Variants in TRIM17 observed in about 807,000 individuals in gnomAD.
TRIM17 encodes the protein E3 ubiquitin-protein ligase TRIM17.
A neutral mutation model predicts 35.8 loss-of-function variants in TRIM17; 27 were observed. That is an observed-to-expected ratio of 0.75 (90% CI 0.56 to 1.04). TRIM17 has a LOEUF of 1.04. Ranked by LOEUF, TRIM17 falls within the 50% of genes least tolerant of loss-of-function variation. The pLI is 0.00. For synonymous variants in TRIM17, 246 were observed against 252.6 expected (o/e 0.97, Z 0.25); for missense variants, 582 against 612.8 (o/e 0.95, Z 0.53).
In TRIM17 at chr1:228,411,312, C is replaced by T; in HGVS notation, c.526-136G>A. ...TTTAGTTGGGGACCAGGAACTGTGA[C>T]AGAGGCCCCCACCTCTGCCATCCTG... is the stretch of plus-strand genomic sequence containing the variant. On this transcript the variant is annotated intron_variant, in intron 3 of 6. Transcript: ENST00000366698. The surrounding 1 kb of genome is among the most constrained non-coding windows in gnomAD (Gnocchi z 4.2). 1 of 685,360 alleles carries T rather than the reference C, an allele frequency of 1.5e-6. No homozygotes were observed. The highest frequency in any genetic ancestry group is 2.6e-5 in the East Asian group (1 of 38,146). 42.5% of individuals were successfully genotyped at this position (685,360 alleles called of 1,614,324 possible).
chr1:228,415,202 A>G, intron 1 of TRIM17, 89 bp from the exon 2 acceptor site: 5 of 1,057,970 alleles, frequency 4.7e-6, no homozygotes, highest in South Asian at 3.4e-5. Flanking sequence ...GAGGAGGGCT[A>G]GGACTGCAGT....
Position 228,414,913 on chromosome 1 carries a change from G to C in TRIM17, c.160C>G (p.Arg54Gly). 6.2e-7 allele frequency: 1 copy of C among 1,613,478 alleles called. No homozygotes were observed. Among genetic ancestry groups the C allele is most frequent in the African/African-American group, 1.3e-5 (1 of 75,054 alleles). ...CAGGGGAAGGAGCCCTTCCGCTTCC[G>C]CCTCCCCTTCTTGCCCCTCGCCTTT... ...WEKARGKKGR[R>G]KRKGSFPCPE... is the part of the protein sequence containing the mutation. Residue 54 changes from arginine (R) to glycine (G), a missense_variant, in exon 2 of 7, where the codon CGG (arginine) becomes GGG (glycine). By Grantham distance (125) the Arg-to-Gly change is moderately radical (BLOSUM62 -2). Coordinates refer to ENST00000366698, the MANE Select transcript of TRIM17 (RefSeq NM_016102.4).
At position 228,414,815 on chromosome 1, in the gene TRIM17, C is replaced by A. The variant is rs1656996726; in HGVS notation, c.258G>T (p.Met86Ile). ...PNRLLTKVAE[M>I]AQQHPGLQKQ... ...TCTGCAGACCAGGATGCTGCTGCGC[C>A]ATCTCGGCCACCTTGGTCAGCAGCC... Residue 86 changes from methionine to isoleucine, a missense_variant, in exon 2 of 7, where the codon ATG becomes ATT. By Grantham distance (10) the Met-to-Ile change is conservative (BLOSUM62 1). Transcript: ENST00000366698. 1 of 1,613,476 alleles carries A rather than the reference C, an allele frequency of 6.2e-7. No individual in the cohort carries two copies. Among genetic ancestry groups the A allele is most frequent in the Admixed American group, 1.7e-5 (1 of 60,034 alleles).
intron 1 of TRIM17, chr1:228,415,718 G>A (rs952368275): frequency 6.5e-6 from 1 of 152,882 alleles, no homozygotes; most frequent in Non-Finnish European, 1.5e-5. Flanking sequence ...CCATTCGGTA[G>A]TGAGGTGGGG....
In TRIM17 at chr1:228,408,434, A is replaced by C. The variant is rs142387185; in HGVS notation, c.1201T>G (p.Ser401Ala). ...ACCGGGGTTAGGGCAGAGAAGGTGG[A>C]TAAGTACTTGGTCCCCTTGGACAGC... ...VQLSKGTKYLSTFSALTPVML... is the reference protein window; with the variant it reads ...VQLSKGTKYLATFSALTPVML... Residue 401 changes from serine (S) to alanine (A), a missense_variant, in exon 7 of 7, where the codon TCC becomes GCC. Coordinates refer to ENST00000366698, the MANE Select transcript of TRIM17 (RefSeq NM_016102.4). The surrounding 1 kb of genome is among the most constrained non-coding windows in gnomAD (Gnocchi z 6.3). 6.2e-7 allele frequency: 1 copy of C among 1,614,036 alleles called. No homozygotes were observed. The highest frequency in any genetic ancestry group is 8.5e-7 in the Non-Finnish European group (1 of 1,180,024).
chr1:228,413,822 TC>T lies in TRIM17; in HGVS notation c.499del (p.Glu167ArgfsTer5), dbSNP rs1656923591. On this transcript the variant is annotated frameshift_variant, in exon 3 of 7. Transcript: ENST00000366698. LOFTEE classifies it high-confidence loss of function. ...CTGCCACTCGGCTAAGCTCTGCTCC[TC>T]CCTGGCCTGCAGATTCCCTGTCCTG... ...ITRTGNLQAR[E>X]EQSLAEWQGK... 6.2e-7 allele frequency: 1 copy of T among 1,614,078 alleles called. No individual in the cohort carries two copies. The highest frequency in any genetic ancestry group is 1.3e-5 in the African/African-American group (1 of 74,954).
At chr1:228,412,293 C>T (rs370040574) in intron 3 of TRIM17, among the ~76,000 whole-genome samples, 11 of 152,082 alleles carry the variant, frequency 7.2e-5, no homozygotes, top group Non-Finnish European at 1.5e-4. Context: ...CTAAGGCTGC[C>T]GTTTCTGGTA....
intron 1 of TRIM17, chr1:228,416,332 C>T: frequency 1.0e-6 from 1 of 985,470 alleles, no homozygotes; most frequent in Non-Finnish European, 1.2e-6. Context: ...CTGGCTCTGG[C>T]TGCCGGGATG....
chr1:228,410,628 G>A lies in TRIM17; in HGVS notation c.756+318C>T, dbSNP rs1417997461. Reference sequence around the variant, plus strand: ...GTTTGGAGATAGCATCTTTAAGGAGGGAGTTGAGGTCACTGGGGTGGGCCC... The same window carrying A: ...GTTTGGAGATAGCATCTTTAAGGAGAGAGTTGAGGTCACTGGGGTGGGCCC... On this transcript the variant is annotated intron_variant, in intron 4 of 6. Coordinates refer to ENST00000366698, the MANE Select transcript of TRIM17 (RefSeq NM_016102.4). This position sits in a 1 kb window ranked among gnomAD's most constrained non-coding sequence, Gnocchi z 4.6. Among the ~76,000 whole-genome samples, 1 of 152,174 alleles carries A rather than the reference G, an allele frequency of 6.6e-6. No homozygotes were observed. Among genetic ancestry groups the A allele is most frequent in the Non-Finnish European group, 1.5e-5 (1 of 68,022 alleles).
Position 228,411,155 on chromosome 1 carries a change from C to A in TRIM17, c.547G>T (p.Glu183Ter). Residue 183 changes from glutamate (E) to a stop codon, truncating the protein, a stop_gained, in exon 4 of 7, where the codon GAA (glutamate) becomes TAA (stop). Coordinates refer to ENST00000366698, the MANE Select transcript of TRIM17 (RefSeq NM_016102.4). LOFTEE classifies it high-confidence loss of function. The surrounding 1 kb of genome is among the most constrained non-coding windows in gnomAD (Gnocchi z 4.2). ...TTCTCAAACTCCAGCACAATGCGTT[C>A]TCTCCGCTCCTTCACCTTGCCCTGC... ...EWQGKVKERRERIVLEFEKMN... is the reference protein window; with the variant it reads ...EWQGKVKERR 3.1e-6 allele frequency: 5 copies of A among 1,611,872 alleles called. No homozygotes were observed. The highest frequency in any genetic ancestry group is 4.2e-6 in the Non-Finnish European group (5 of 1,179,010).
intron 5 of TRIM17, 21 bp from the exon 6 acceptor site, chr1:228,409,296 G>T: frequency 6.2e-7 from 1 of 1,612,672 alleles, no homozygotes; most frequent in Non-Finnish European, 8.5e-7. Context: ...CACACACAGG[G>T]GAGTCTTATT....
chr1:228,416,771 T>C lies in TRIM17; in HGVS notation c.-274A>G. On this transcript the variant is annotated 5_prime_UTR_variant, in exon 1 of 7. Transcript: ENST00000366698. The stretch of plus-strand genomic sequence containing the variant: ...GCGGCCGGGACTGGGGCGGCGCCTC[T>C]TAGGAGAGGTTGGGGGTGGCTTGGG... 1 of 982,444 alleles carries C rather than the reference T, an allele frequency of 1.0e-6. No individual in the cohort carries two copies. Among genetic ancestry groups the C allele is most frequent in the Non-Finnish European group, 1.2e-6 (1 of 828,616 alleles). The allele number at this position is 982,444 out of a possible 1,614,324, so 60.9% of individuals were successfully genotyped here.
rs775807631 is a variant in TRIM17 at position 228,408,720 on chromosome 1, G to C, written c.915C>G (p.Tyr305Ter). 1.5e-4 allele frequency: 240 copies of C among 1,603,740 alleles called. No homozygotes were observed. Among genetic ancestry groups the C allele is most frequent in the Non-Finnish European group, 2.0e-4 (232 of 1,179,930 alleles). The change falls in exon 7 of 7, where the codon TAC becomes TAG. Residue 305 changes from tyrosine (Y) to a stop codon, truncating the protein, a stop_gained. Coordinates refer to ENST00000366698, the MANE Select transcript of TRIM17 (RefSeq NM_016102.4). LOFTEE classifies it low-confidence loss of function (END_TRUNC). This position sits in a 1 kb window ranked among gnomAD's most constrained non-coding sequence, Gnocchi z 6.3. ...EDVVPDATSA[Y>*]PYLLLYESRQ... The stretch of plus-strand genomic sequence containing the variant: ...GGCTCTCATACAGGAGGAGGTAGGG[G>C]TACGCGGAGGTGGCATCAGGCACCA...
intron 1 of TRIM17, 28 bp from the exon 2 acceptor site, chr1:228,415,141 A>C (rs1657030593): frequency 4.0e-6 from 6 of 1,512,018 alleles, no homozygotes; most frequent in Non-Finnish European, 5.3e-6. Context: ...GAGCAGCCCG[A>C]TGATCTGGGC....
rs1157339159 is a variant in TRIM17 at position 228,409,295 on chromosome 1, G to A, written c.780-20C>T. On this transcript the variant is annotated intron_variant, in intron 5 of 6. Coordinates refer to ENST00000366698, the MANE Select transcript of TRIM17 (RefSeq NM_016102.4). ...TTCTTCCTCCGGTGGGCACACACAG[G>A]GGAGTCTTATTGACTCCCCTGGCCC... 5 of 1,612,798 alleles carry A rather than the reference G, an allele frequency of 3.1e-6. No individual in the cohort carries two copies. Among genetic ancestry groups the A allele is most frequent in the Non-Finnish European group, 4.2e-6 (5 of 1,179,276 alleles).
intron 6 of TRIM17, 85 bp downstream of exon 6, chr1:228,409,087 T>A (rs750097297): frequency 3.5e-5 from 57 of 1,613,578 alleles, no homozygotes; most frequent in Non-Finnish European, 4.7e-5. Flanking sequence ...ACCCCCCCCA[T>A]TGGTGGCTTC....
intron 3 of TRIM17, 122 bp downstream of exon 3, chr1:228,413,675 A>G: frequency 1.4e-6 from 1 of 725,916 alleles, no homozygotes; most frequent in Admixed American, 2.2e-5. Context: ...CTAGAAGGGT[A>G]GAGGCAACTT....
At position 228,408,244 on chromosome 1, in the gene TRIM17, C is replaced by G; in HGVS notation, c.1391G>C (p.Gly464Ala). The G allele has an allele frequency of 6.4e-7, 1 of 1,562,900 alleles. No individual in the cohort carries two copies. Among genetic ancestry groups the G allele is most frequent in the Non-Finnish European group, 8.7e-7 (1 of 1,154,554 alleles). ...PFFCLGAPKS[G>A]QMVISTVTMW... Reference sequence around the variant, plus strand: ...GGTCACTGTGGAGATGACCATCTGACCAGACTTCGGAGCCCCCAGGCAGAA... The same window carrying G: ...GGTCACTGTGGAGATGACCATCTGAGCAGACTTCGGAGCCCCCAGGCAGAA... Residue 464 changes from glycine (G) to alanine (A), a missense_variant, in exon 7 of 7, where the codon GGT (glycine) becomes GCT (alanine). Coordinates refer to ENST00000366698, the MANE Select transcript of TRIM17 (RefSeq NM_016102.4). This position sits in a 1 kb window ranked among gnomAD's most constrained non-coding sequence, Gnocchi z 6.3.
At chr1:228,413,211 C>CA (rs59069528) in intron 3 of TRIM17, among the ~76,000 whole-genome samples, 4,836 of 103,794 alleles carry the variant, frequency 0.047, 282 homozygotes, top group African/African-American at 0.14. Context: ...AACTCCATCT[C>CA]AAAAAAAAAA....
Sources: allele counts gnomAD v4.1 joint callset (sites outside exome capture counted in the v4.1 genomes callset), GRCh38; gene constraint gnomAD v4.1.1; non-coding constraint Gnocchi (gnomAD v3.1); transcripts MANE v1.5; gene names NCBI Gene and HGNC (gene_info 2026-07-23, HGNC 2026-07-21).